PPIG: variants seen among roughly 807,000 people sequenced by gnomAD.
The protein encoded by PPIG is peptidyl-prolyl cis-trans isomerase G.
Under a neutral mutation model 87.9 loss-of-function variants are expected in PPIG, and 26 were observed. The observed-to-expected ratio is 0.30, with a 90% CI of 0.22 to 0.41. The LOEUF (loss-of-function observed/expected upper bound fraction) is 0.41, where lower values mean the gene tolerates loss of function less well. Ranked by LOEUF, PPIG falls within the 10% of genes least tolerant of loss-of-function variation. The pLI, the probability that PPIG is intolerant of heterozygous loss-of-function variation, is 1.00. For missense variants in PPIG, 722 were observed against 879.4 expected, an observed-to-expected ratio of 0.82 and a Z score of 2.26; for synonymous variants, 308 against 276.5, an observed-to-expected ratio of 1.11 and a Z score of -1.13.
At position 169,584,389 on chromosome 2, in the gene PPIG, G is replaced by C. The variant is rs1559170623; in HGVS notation, c.-171G>C. ...TCCATGCCAGGACTGAGTTGTGGGG[G>C]AGGGAGGCGGTTAGCGGGCTTTAGC... is the stretch of plus-strand genomic sequence containing the variant. On this transcript the variant is annotated 5_prime_UTR_variant, in exon 1 of 14. Coordinates refer to ENST00000260970, the MANE Select transcript of PPIG (RefSeq NM_004792.3). 2.1e-6 allele frequency: 1 copy of C among 471,080 alleles called. No individual in the cohort carries two copies. Among genetic ancestry groups the C allele is most frequent in the African/African-American group, 2.0e-5 (1 of 50,090 alleles). The allele number at this position is 471,080 out of a possible 1,614,324, so 29.2% of individuals were successfully genotyped here.
At chr2:169,609,106 T>C (rs928452484) in intron 7 of PPIG, among the ~76,000 whole-genome samples, 5 of 150,482 alleles carry the variant, frequency 3.3e-5, no homozygotes, top group Non-Finnish European at 7.4e-5. Flanking sequence ...AAAAATCCCG[T>C]TTTTGGTCTG....
chr2:169,604,836 T>C lies in PPIG; in HGVS notation c.136+575T>C, dbSNP rs535287223. On this transcript the variant is annotated intron_variant, in intron 4 of 13. Transcript: ENST00000260970. Reference sequence around the variant, plus strand: ...TTGCGGTGAGCCGAGATCGTGCCATTGCACTCCAGCCTGAGCTAGAAGAGC... The same window carrying C: ...TTGCGGTGAGCCGAGATCGTGCCATCGCACTCCAGCCTGAGCTAGAAGAGC... Among the ~76,000 whole-genome samples, 6 of 151,244 alleles carry C rather than the reference T, an allele frequency of 4.0e-5. No homozygotes were observed. The South Asian group carries it at 1.0e-3, about 26-fold the overall frequency.
chr2:169,613,993 C>T (rs75673255), intron 7 of PPIG, among the ~76,000 whole-genome samples: 6,746 of 152,288 alleles, frequency 0.044, 216 homozygotes, highest in East Asian at 0.18. Context: ...TCAAGTCCAA[C>T]AGTATATGTC....
chr2:169,611,585 A>G (rs781597254), intron 7 of PPIG, among the ~76,000 whole-genome samples: 4 of 152,144 alleles, frequency 2.6e-5, no homozygotes, highest in Non-Finnish European at 5.9e-5. Flanking sequence ...GCCTTTTCAT[A>G]TATATTGTTA....
At position 169,638,479 on chromosome 2, in the gene PPIG, G is replaced by A. The variant is rs551042379; in HGVS notation, c.*956G>A. ...TGGCCTCCAACCTATATAGAATTGA[G>A]TGTTAACTCTGCATGGATTTTGTTT... On this transcript the variant is annotated 3_prime_UTR_variant, in exon 14 of 14. Coordinates refer to ENST00000260970, the MANE Select transcript of PPIG (RefSeq NM_004792.3). The A allele has an allele frequency of 2.8e-4, 43 of 151,990 alleles. No homozygotes were observed. Among genetic ancestry groups the A allele is most frequent in the Non-Finnish European group, 3.7e-4 (25 of 67,890 alleles). The allele number at this position is 151,990 out of a possible 1,614,324, so 9.4% of individuals were successfully genotyped here.
chr2:169,601,921 C>G (rs955685017), intron 1 of PPIG, among the ~76,000 whole-genome samples: 1 of 150,230 alleles, frequency 6.7e-6, no homozygotes, highest in South Asian at 2.1e-4. Context: ...AAAAAAAACT[C>G]AGTAACATTT....
chr2:169,636,044 C>T (rs1324387452), intron 12 of PPIG, 48 bp from the exon 13 acceptor site: 2 of 1,473,232 alleles, frequency 1.4e-6, no homozygotes, highest in South Asian at 2.7e-5. Flanking sequence ...CATGCGAGTC[C>T]CTCTATACTT....
chr2:169,590,177 T>A (rs1424171321), intron 1 of PPIG, among the ~76,000 whole-genome samples: 4 of 152,060 alleles, frequency 2.6e-5, no homozygotes, highest in Non-Finnish European at 5.9e-5. Context: ...CAGTACATGT[T>A]TAAGAGGATA....
intron 12 of PPIG, chr2:169,633,448 G>T (rs746964128): frequency 1.7e-6 from 1 of 596,222 alleles, no homozygotes; most frequent in Non-Finnish European, 2.9e-6. Flanking sequence ...GATATGAATA[G>T]ATTTTACATT....
At chr2:169,586,957 A>G (rs899576124) in intron 1 of PPIG, among the ~76,000 whole-genome samples, 17 of 152,038 alleles carry the variant, frequency 1.1e-4, no homozygotes, top group African/African-American at 4.1e-4. Flanking sequence ...TTTTTCAGAC[A>G]GAGTCTTGCT....
chr2:169,632,916 G>A (rs1686095156), intron 11 of PPIG, among the ~76,000 whole-genome samples: 1 of 151,400 alleles, frequency 6.6e-6, no homozygotes, highest in African/African-American at 2.4e-5. Flanking sequence ...AAGGTGGGCA[G>A]ATCACTTGAG....
chr2:169,584,752 C>T, intron 1 of PPIG: 2 of 312,732 alleles, frequency 6.4e-6, no homozygotes, highest in South Asian at 2.5e-5. Flanking sequence ...CTGCCAGCCC[C>T]CGCCCTCCCC....
chr2:169,604,327 G>GTTTTTTTTTTTTTTT (rs71006008), intron 4 of PPIG, 66 bp downstream of exon 4: 2 of 347,440 alleles, frequency 5.8e-6, no homozygotes, highest in African/African-American at 4.8e-5. Flanking sequence ...TGCTTGCTTG[G>GTTTTTTTTTTTTTTT]TTTTTTTTTT....
At chr2:169,585,412 C>T (rs1414925611) in intron 1 of PPIG, among the ~76,000 whole-genome samples, 1 of 152,014 alleles carries the variant, frequency 6.6e-6, no homozygotes, top group African/African-American at 2.4e-5. Context: ...CAGGCACGTG[C>T]CACCATGCCC....
intron 1 of PPIG, among the ~76,000 whole-genome samples, chr2:169,600,467 T>C (rs991661909): frequency 3.3e-5 from 5 of 152,196 alleles, no homozygotes; most frequent in Admixed American, 6.5e-5. Context: ...TCTGACTTTT[T>C]CAGATTTTGG....
chr2:169,586,247 C>T (rs1179417832), intron 1 of PPIG, among the ~76,000 whole-genome samples: 1 of 152,104 alleles, frequency 6.6e-6, no homozygotes, highest in African/African-American at 2.4e-5. Context: ...TTGTTGGTTT[C>T]CTTTTTAAGG....
rs755655123 is a variant in PPIG, at chr2:169,614,758, AC to A, written c.547+35del. ...GAAGTACATATTTCTGAGAATACTT[AC>A]ACATACAAAATAAGCAGAGATACTC... is the stretch of plus-strand genomic sequence containing the variant. On this transcript the variant is annotated intron_variant, in intron 9 of 13. Transcript: ENST00000260970. 26 of 1,566,584 alleles carry A rather than the reference AC, an allele frequency of 1.7e-5. 1 individual carries two copies. Among genetic ancestry groups the A allele is most frequent in the Non-Finnish European group, 2.2e-5 (25 of 1,161,562 alleles).
intron 1 of PPIG, among the ~76,000 whole-genome samples, chr2:169,602,104 A>G (rs892247314): frequency 3.9e-5 from 6 of 152,218 alleles, no homozygotes; most frequent in Admixed American, 6.5e-5. Context: ...TAAGTTGTAT[A>G]AAATTACACA....
At chr2:169,599,666 C>T (rs1266334769) in intron 1 of PPIG, among the ~76,000 whole-genome samples, 1 of 152,048 alleles carries the variant, frequency 6.6e-6, no homozygotes, top group Non-Finnish European at 1.5e-5. Context: ...ATTCTCTGCT[C>T]ATACACCCTT....
Sources: gnomAD v4.1 joint callset for allele counts (sites outside exome capture counted in the v4.1 genomes callset) on GRCh38, gnomAD v4.1.1 for gene constraint, MANE v1.5 for transcripts, NCBI Gene and HGNC (gene_info 2026-07-23, HGNC 2026-07-21) for gene names.